Variants in UBE2E3 observed in about 807,000 individuals in gnomAD.
The protein encoded by UBE2E3 is ubiquitin-conjugating enzyme E2 E3.
UBE2E3 carries 5 observed loss-of-function variants against 23.6 expected under a neutral mutation model. That is an observed-to-expected ratio of 0.21 (90% CI 0.11 to 0.44). The LOEUF (loss-of-function observed/expected upper bound fraction) is 0.44. Ranked by LOEUF, UBE2E3 falls within the 20% of genes least tolerant of loss-of-function variation. UBE2E3 has a pLI of 0.99. For synonymous variants in UBE2E3, 78 were observed against 87.5 expected (o/e 0.89, Z 0.60); for missense variants, 81 against 249.8 (o/e 0.32, Z 4.55).
At chr2:180,991,896 T>C (rs1684669789) in intron 3 of UBE2E3, among the ~76,000 whole-genome samples, 1 of 152,224 alleles carries the variant, frequency 6.6e-6, no homozygotes, top group East Asian at 1.9e-4. Context: ...TTAAGAATTA[T>C]TTCTGGAATT....
rs137931492 is a variant in UBE2E3, at chr2:180,996,576, A to G, written c.245+12483A>G. 2.0e-5 allele frequency among the ~76,000 whole-genome samples: 3 copies of G among 152,232 alleles called. No individual in the cohort carries two copies. The East Asian group carries it at 5.8e-4, about 29-fold the overall frequency. On this transcript the variant is annotated intron_variant, in intron 3 of 5. Transcript: ENST00000410062. Reference sequence around the variant, plus strand: ...TGTGCTTTGACTTGGAAGACATTGAACATCCTCAGACTCTGCTGACTAAAT... The same window carrying G: ...TGTGCTTTGACTTGGAAGACATTGAGCATCCTCAGACTCTGCTGACTAAAT...
intron 3 of UBE2E3, among the ~76,000 whole-genome samples, chr2:181,031,923 G>C (rs1686091324): frequency 6.6e-6 from 1 of 152,134 alleles, no homozygotes; most frequent in Admixed American, 6.6e-5. Flanking sequence ...AATGCCAGTT[G>C]CTTCTGTTTA....
intron 3 of UBE2E3, among the ~76,000 whole-genome samples, chr2:181,036,952 A>C (rs1191067604): frequency 6.6e-6 from 1 of 152,208 alleles, no homozygotes; most frequent in Non-Finnish European, 1.5e-5. Context: ...ACCTATCCAC[A>C]ACATTAAGCG....
intron 3 of UBE2E3, among the ~76,000 whole-genome samples, chr2:181,030,735 A>G (rs1035543479): frequency 2.8e-5 from 4 of 141,538 alleles, no homozygotes; most frequent in Admixed American, 7.0e-5. Context: ...GAAATTAACT[A>G]CAAGTCCCAT....
intron 3 of UBE2E3, among the ~76,000 whole-genome samples, chr2:181,056,897 G>A (rs1402185148): frequency 6.6e-6 from 1 of 151,764 alleles, no homozygotes; most frequent in Non-Finnish European, 1.5e-5. Flanking sequence ...GGTAGGTGCT[G>A]TGTGCCTCCA....
intron 3 of UBE2E3, among the ~76,000 whole-genome samples, chr2:181,029,525 G>T (rs537198182): frequency 6.6e-6 from 1 of 151,906 alleles, no homozygotes; most frequent in African/African-American, 2.4e-5. Context: ...ATTTCTAGGA[G>T]TTTAATATTT....
chr2:181,058,683 T>G (rs1687050951), intron 4 of UBE2E3, among the ~76,000 whole-genome samples: 1 of 151,668 alleles, frequency 6.6e-6, no homozygotes, highest in Non-Finnish European at 1.5e-5. Context: ...TTTTAAAAAT[T>G]TATGTTGCAG....
chr2:181,048,378 C>G (rs929550650), intron 3 of UBE2E3, among the ~76,000 whole-genome samples: 16 of 152,138 alleles, frequency 1.1e-4, no homozygotes, highest in African/African-American at 3.4e-4. Context: ...TTGAATCTAA[C>G]AAGTACTGTA....
At chr2:181,020,723 T>G (rs966385987) in intron 3 of UBE2E3, among the ~76,000 whole-genome samples, 2 of 152,004 alleles carry the variant, frequency 1.3e-5, no homozygotes, top group Admixed American at 6.5e-5. Context: ...CATATAGAGC[T>G]AAGGGAAAAA....
At chr2:180,997,358 G>A (rs1345899654) in intron 3 of UBE2E3, among the ~76,000 whole-genome samples, 1 of 151,626 alleles carries the variant, frequency 6.6e-6, no homozygotes, top group African/African-American at 2.4e-5. Context: ...AATACTAGCT[G>A]TTAGTATTTT....
At chr2:181,001,172 G>A (rs531314758) in intron 3 of UBE2E3, among the ~76,000 whole-genome samples, 2 of 152,128 alleles carry the variant, frequency 1.3e-5, no homozygotes, top group African/African-American at 2.4e-5. Context: ...AGAATTTTTG[G>A]TTTTCTGTAC....
At chr2:181,045,130 T>C (rs990365171) in intron 3 of UBE2E3, among the ~76,000 whole-genome samples, 6 of 152,290 alleles carry the variant, frequency 3.9e-5, no homozygotes, top group African/African-American at 1.4e-4. Flanking sequence ...TAAACTGTCA[T>C]AATCTACTTT....
intron 3 of UBE2E3, among the ~76,000 whole-genome samples, chr2:181,030,688 G>T (rs1339393208): frequency 6.6e-6 from 1 of 152,016 alleles, no homozygotes; most frequent in East Asian, 1.9e-4. Context: ...ATGTGGACCT[G>T]GTGGTTTTGT....
chr2:180,995,014 C>G (rs1325919278), intron 3 of UBE2E3, among the ~76,000 whole-genome samples: 1 of 152,148 alleles, frequency 6.6e-6, no homozygotes, highest in African/African-American at 2.4e-5. Context: ...GTAGCCACCT[C>G]CTGTTGCTGT....
At chr2:180,986,887 C>T (rs917352865) in intron 3 of UBE2E3, among the ~76,000 whole-genome samples, 2 of 152,062 alleles carry the variant, frequency 1.3e-5, no homozygotes, top group Non-Finnish European at 2.9e-5. Flanking sequence ...GATGATTTCT[C>T]TAAAATCCCT....
intron 4 of UBE2E3, among the ~76,000 whole-genome samples, chr2:181,058,367 G>T (rs1426757468): frequency 1.3e-5 from 2 of 151,698 alleles, no homozygotes; most frequent in African/African-American, 4.8e-5. Context: ...AGTTTTGTTG[G>T]CTCTGAGTTC....
chr2:181,003,867 T>G (rs1019225432), intron 3 of UBE2E3, among the ~76,000 whole-genome samples: 1 of 152,226 alleles, frequency 6.6e-6, no homozygotes, highest in African/African-American at 2.4e-5. Context: ...CATGTATTGT[T>G]GATATTTCTG....
At chr2:181,035,309 G>A (rs939917336) in intron 3 of UBE2E3, among the ~76,000 whole-genome samples, 32 of 152,162 alleles carry the variant, frequency 2.1e-4, no homozygotes, top group African/African-American at 7.7e-4. Context: ...AAGGGTTGCA[G>A]TAGTACTGTC....
intron 1 of UBE2E3, 93 bp from the exon 2 acceptor site, chr2:180,981,925 A>T (rs1684306878): frequency 4.2e-6 from 4 of 952,558 alleles, no homozygotes; most frequent in East Asian, 2.5e-5. Flanking sequence ...CTTTTTCATT[A>T]CAAGACGATT....
Sources: allele counts gnomAD v4.1 joint callset (sites outside exome capture counted in the v4.1 genomes callset), GRCh38; gene constraint gnomAD v4.1.1; transcripts MANE v1.5; gene names NCBI Gene and HGNC (gene_info 2026-07-23, HGNC 2026-07-21).